TRIP4: variants seen among roughly 807,000 people sequenced by gnomAD.
The protein encoded by TRIP4 is thyroid hormone receptor interactor 4, also known as activating signal cointegrator 1.
A neutral mutation model predicts 81.8 loss-of-function variants in TRIP4; 54 were observed. The observed-to-expected ratio is 0.66, with a 90% confidence interval of 0.53 to 0.83. TRIP4 has a LOEUF of 0.83. Ranked by LOEUF, TRIP4 falls within the 40% of genes least tolerant of loss-of-function variation. The pLI is 0.00. For missense variants in TRIP4, 662 were observed against 683.6 expected, an observed-to-expected ratio of 0.97 and a Z score of 0.35; for synonymous variants, 270 against 242.8, an observed-to-expected ratio of 1.11 and a Z score of -1.04.
At chr15:64,398,176 C>T (rs1242813309) in intron 4 of TRIP4, among the ~76,000 whole-genome samples, 1 of 152,128 alleles carries the variant, frequency 6.6e-6, no homozygotes, top group Non-Finnish European at 1.5e-5. Context: ...TCTGGGATTA[C>T]AGGCGTCAGC....
At chr15:64,450,131 C>G (rs1033000604) in intron 12 of TRIP4, among the ~76,000 whole-genome samples, 1 of 151,504 alleles carries the variant, frequency 6.6e-6, no homozygotes, top group Non-Finnish European at 1.5e-5. Context: ...CAGTGGCTCA[C>G]GCCTGTAATC....
At chr15:64,411,764 C>T (rs190239973) in intron 7 of TRIP4, among the ~76,000 whole-genome samples, 1 of 151,342 alleles carries the variant, frequency 6.6e-6, no homozygotes, top group African/African-American at 2.4e-5. Context: ...ACTGCAAGCT[C>T]CGCCTCCCAG....
chr15:64,425,823 C>T (rs1312667767), intron 11 of TRIP4, among the ~76,000 whole-genome samples, 192 bp downstream of exon 11: 2 of 152,232 alleles, frequency 1.3e-5, no homozygotes, highest in Non-Finnish European at 2.9e-5. Flanking sequence ...GTGGCTCAGG[C>T]CTGTAATCCC....
intron 11 of TRIP4, among the ~76,000 whole-genome samples, chr15:64,426,156 C>T (rs1892138035): frequency 2.0e-5 from 3 of 152,048 alleles, no homozygotes; most frequent in African/African-American, 7.2e-5. Flanking sequence ...CAAAACCTTG[C>T]TTCTTTTGAA....
intron 12 of TRIP4, among the ~76,000 whole-genome samples, chr15:64,445,470 T>G (rs1566986037): frequency 1.5e-5 from 1 of 67,192 alleles, no homozygotes; most frequent in Non-Finnish European, 3.9e-5. Context: ...TCTACTAAGA[T>G]TACCAAAAAA....
At chr15:64,417,071 G>A (rs540829328) in intron 8 of TRIP4, among the ~76,000 whole-genome samples, 1 of 152,114 alleles carries the variant, frequency 6.6e-6, no homozygotes, top group African/African-American at 2.4e-5. Flanking sequence ...GCAGTGGTAT[G>A]ATCATAGCTC....
chr15:64,409,791 C>G lies in TRIP4; in HGVS notation c.1006C>G (p.Leu336Val). ...CATTGACTTTGCAGGAAGGAAGATC[C>G]TGGAAGAAGAAAATTCACTAGCAGA... ...VTIDFAGRKI[L>V]EEENSLAEYH... The change falls in exon 7 of 13, where the codon CTG becomes GTG. Residue 336 changes from leucine to valine, a missense_variant. By Grantham distance (32) the Leu-to-Val change is conservative. Transcript: ENST00000261884. 6.2e-7 allele frequency: 1 copy of G among 1,614,048 alleles called. No homozygotes were observed. Among genetic ancestry groups the G allele is most frequent in the Non-Finnish European group, 8.5e-7 (1 of 1,180,028 alleles).
intron 1 of TRIP4, 102 bp from the exon 2 acceptor site, chr15:64,393,844 A>G: frequency 1.7e-6 from 2 of 1,177,754 alleles, no homozygotes; most frequent in Non-Finnish European, 2.3e-6. Flanking sequence ...AAACACTCTA[A>G]TAGATTAATG....
intron 9 of TRIP4, among the ~76,000 whole-genome samples, chr15:64,420,028 C>A (rs2140298213): frequency 6.6e-6 from 1 of 151,970 alleles, no homozygotes; most frequent in Middle Eastern, 3.4e-3. Flanking sequence ...GTTGGCCAGG[C>A]TGGTCTTGAA....
Position 64,455,148 on chromosome 15 carries a change from A to G in TRIP4, c.*84A>G, listed in dbSNP as rs995583452. ...ACTGGTCCTTTGGAATTGAAGTAGT[A>G]GAAACCTAAAGGCTTGGCGTCAGGC... is the stretch of plus-strand genomic sequence containing the variant. On this transcript the variant is annotated 3_prime_UTR_variant, in exon 13 of 13. Coordinates refer to ENST00000261884, the MANE Select transcript of TRIP4 (RefSeq NM_016213.5). 28 of 1,212,570 alleles carry G rather than the reference A, an allele frequency of 2.3e-5. No individual in the cohort carries two copies. The highest frequency in any genetic ancestry group is 3.3e-5 in the Non-Finnish European group (28 of 843,146). The allele number at this position is 1,212,570 out of a possible 1,614,324, so 75.1% of individuals were successfully genotyped here.
At chr15:64,437,499 T>G (rs1036503713) in intron 11 of TRIP4, among the ~76,000 whole-genome samples, 3 of 125,970 alleles carry the variant, frequency 2.4e-5, no homozygotes, top group Non-Finnish European at 3.4e-5. Flanking sequence ...TGTTACTTTG[T>G]TTTTTTTTTT....
intron 9 of TRIP4, among the ~76,000 whole-genome samples, chr15:64,422,937 C>G (rs574942313): frequency 6.6e-6 from 1 of 152,148 alleles, no homozygotes; most frequent in Non-Finnish European, 1.5e-5. Flanking sequence ...ATTGGGAAAC[C>G]AAGGATATGA....
chr15:64,429,551 G>A (rs566062875), intron 11 of TRIP4, among the ~76,000 whole-genome samples: 2 of 152,262 alleles, frequency 1.3e-5, no homozygotes, highest in African/African-American at 4.8e-5. Context: ...ATATGCTAGT[G>A]TGGATTATGA....
At chr15:64,412,589 A>G (rs1419454492) in intron 7 of TRIP4, among the ~76,000 whole-genome samples, 2 of 151,824 alleles carry the variant, frequency 1.3e-5, no homozygotes, top group African/African-American at 2.4e-5. Flanking sequence ...TGAAGGCAGG[A>G]ACAATGTCTT....
rs560862302 is a variant in TRIP4 at position 64,402,515 on chromosome 15, C to T, written c.697+1694C>T. ...GGATTAAGGTGTGAGCCACCGCGCCCGGCCAACATTTTTTTTTTTTTTTCT... is the reference window on the plus strand; with the variant it reads ...GGATTAAGGTGTGAGCCACCGCGCCTGGCCAACATTTTTTTTTTTTTTTCT... On this transcript the variant is annotated intron_variant, in intron 5 of 12. Transcript: ENST00000261884. Among the ~76,000 whole-genome samples the T allele has an allele frequency of 1.5e-3, 210 of 138,248 alleles. 1 individual carries two copies. The highest frequency in any genetic ancestry group is 2.6e-3 in the Non-Finnish European group (166 of 64,830). The allele number at this position is 138,248 out of a possible 152,430, so 90.7% of individuals were successfully genotyped here. A position where few individuals can be genotyped will look rare whatever the true frequency, so the allele number is the denominator to read the frequency against.
intron 6 of TRIP4, among the ~76,000 whole-genome samples, chr15:64,407,954 A>C (rs192612311): frequency 1.7e-3 from 257 of 152,162 alleles, no homozygotes; most frequent in Non-Finnish European, 1.7e-3. Flanking sequence ...GAAATTAGCC[A>C]GGAGTAATGT....
chr15:64,436,892 A>T (rs1378173629), intron 11 of TRIP4, among the ~76,000 whole-genome samples: 1 of 141,864 alleles, frequency 7.0e-6, no homozygotes, highest in Non-Finnish European at 1.5e-5. Context: ...TATTTTTAGT[A>T]GAGACGGGGT....
intron 11 of TRIP4, among the ~76,000 whole-genome samples, chr15:64,428,915 A>C (rs1892209151): frequency 6.6e-6 from 1 of 151,866 alleles, no homozygotes; most frequent in Non-Finnish European, 1.5e-5. Flanking sequence ...CCTGGCCTCC[A>C]CTGTTTCTTT....
rs548731841 is a variant in TRIP4, at chr15:64,395,360, CTGTG to C, written c.272-28_272-25del. 9.0e-4 allele frequency: 1,374 copies of C among 1,522,380 alleles called. 7 individuals are homozygous for C. The African/African-American group carries it at 0.017, about 19-fold the overall frequency. 94.3% of individuals were successfully genotyped at this position (1,522,380 alleles called of 1,614,324 possible). On this transcript the variant is annotated intron_variant, in intron 2 of 12. Transcript: ENST00000261884. Reference sequence around the variant, plus strand: ...GTTCACCAGGAATCCTCTTATCAATCTGTGTGTGTGTGTATTTTTTTTTTTCTAT... The same window carrying C: ...GTTCACCAGGAATCCTCTTATCAATCTGTGTGTGTATTTTTTTTTTTCTAT...
Sources: allele counts gnomAD v4.1 joint callset (sites outside exome capture counted in the v4.1 genomes callset), GRCh38; gene constraint gnomAD v4.1.1; transcripts MANE v1.5; gene names NCBI Gene and HGNC (gene_info 2026-07-23, HGNC 2026-07-21).